Variants in CLIC4 observed in about 807,000 individuals in gnomAD.
The protein encoded by CLIC4 is CLIC family member 4.
A neutral mutation model predicts 24.6 loss-of-function variants in CLIC4; 13 were observed. The observed-to-expected ratio is 0.53, with a 90% confidence interval of 0.34 to 0.84. The LOEUF is 0.84. Among genes scored for constraint, CLIC4 ranks in the 40% least tolerant of loss-of-function variants. The pLI is 0.01. For synonymous variants in CLIC4, 104 were observed against 111.3 expected, an observed-to-expected ratio of 0.93 and a Z score of 0.41; for missense variants, 227 against 301.7, an observed-to-expected ratio of 0.75 and a Z score of 1.83.
At chr1:24,786,819 C>T (rs938311538) in intron 1 of CLIC4, among the ~76,000 whole-genome samples, 2 of 151,832 alleles carry the variant, frequency 1.3e-5, no homozygotes, top group African/African-American at 2.4e-5. Context: ...GAGGTTTCAC[C>T]ATGTTAGCCA....
At chr1:24,831,402 A>G (rs953473539) in intron 4 of CLIC4, among the ~76,000 whole-genome samples, 1 of 152,162 alleles carries the variant, frequency 6.6e-6, no homozygotes, top group Admixed American at 6.5e-5. Context: ...AATTTAGGAT[A>G]TTTGATTTTT....
intron 1 of CLIC4, among the ~76,000 whole-genome samples, chr1:24,782,034 A>G (rs1639211787): frequency 6.6e-6 from 1 of 152,162 alleles, no homozygotes; most frequent in Non-Finnish European, 1.5e-5. Flanking sequence ...ATTGATCATA[A>G]TTTGGTCATT....
chr1:24,803,381 A>G (rs1639511134), intron 2 of CLIC4, among the ~76,000 whole-genome samples: 1 of 152,182 alleles, frequency 6.6e-6, no homozygotes, highest in South Asian at 2.1e-4. Context: ...TTTGAAAAAA[A>G]TGATTGTTAC....
intron 3 of CLIC4, among the ~76,000 whole-genome samples, chr1:24,823,872 C>A (rs760486364): frequency 1.3e-5 from 2 of 151,490 alleles, no homozygotes; most frequent in African/African-American, 2.4e-5. Flanking sequence ...TGCCTGAGAT[C>A]TTTCCTAAAA....
chr1:24,841,109 A>G lies in CLIC4; in HGVS notation c.*172A>G. On this transcript the variant is annotated 3_prime_UTR_variant, in exon 6 of 6. Coordinates refer to ENST00000374379, the MANE Select transcript of CLIC4 (RefSeq NM_013943.3). ...TAGTTATCTTAAAATATACACTCCT[A>G]AGCAGTATTATTTTAAAATCCTTTA... 2.3e-6 allele frequency: 1 copy of G among 434,054 alleles called. No homozygotes were observed. The highest frequency in any genetic ancestry group is 3.9e-6 in the Non-Finnish European group (1 of 255,038). The allele number at this position is 434,054 out of a possible 1,614,324, so 26.9% of individuals were successfully genotyped here. A position where few individuals can be genotyped will look rare whatever the true frequency, so the allele number is the denominator to read the frequency against.
At chr1:24,835,335 G>A (rs925486561) in intron 4 of CLIC4, among the ~76,000 whole-genome samples, 3 of 152,358 alleles carry the variant, frequency 2.0e-5, no homozygotes, top group South Asian at 2.1e-4. Context: ...GGCCAAGGCA[G>A]GTGGATCGCT....
At position 24,745,491 on chromosome 1, in the gene CLIC4, CG is replaced by C. The variant is rs1638674679; in HGVS notation, c.-61del. 2 of 1,473,772 alleles carry C rather than the reference CG, an allele frequency of 1.4e-6. No individual in the cohort carries two copies. The highest frequency in any genetic ancestry group is 2.5e-5 in the South Asian group (2 of 80,528). The allele number at this position is 1,473,772 out of a possible 1,614,324, so 91.3% of individuals were successfully genotyped here. On this transcript the variant is annotated 5_prime_UTR_variant, in exon 1 of 6. Transcript: ENST00000374379. ...CGGGAACCGGCAGCCGGAGCAGTCC[CG>C]GAGCAGAAGCAGCAGCAGCAGCAGC...
intron 1 of CLIC4, among the ~76,000 whole-genome samples, chr1:24,749,455 A>C (rs1638747924): frequency 6.6e-6 from 1 of 152,196 alleles, no homozygotes; most frequent in Admixed American, 6.5e-5. Context: ...ACTGAGCTTC[A>C]CATTTAAGAG....
intron 1 of CLIC4, among the ~76,000 whole-genome samples, chr1:24,760,510 C>T (rs1452442932): frequency 6.6e-6 from 1 of 152,190 alleles, no homozygotes; most frequent in East Asian, 1.9e-4. Context: ...AGATATGCCT[C>T]ATATTGTATC....
chr1:24,840,950 A>T lies in CLIC4; in HGVS notation c.*13A>T, dbSNP rs866630882. 1.9e-6 allele frequency: 3 copies of T among 1,587,750 alleles called. No homozygotes were observed. Among genetic ancestry groups the T allele is most frequent in the Middle Eastern group, 3.4e-4 (2 of 5,960 alleles). On this transcript the variant is annotated 3_prime_UTR_variant, in exon 6 of 6. Coordinates refer to ENST00000374379, the MANE Select transcript of CLIC4 (RefSeq NM_013943.3). Reference sequence around the variant, plus strand: ...ACTCACCAAGTAAAATCGCGTTTGTAAAAGAGATGTCTTCATGTCTTCCCC... The same window carrying T: ...ACTCACCAAGTAAAATCGCGTTTGTTAAAGAGATGTCTTCATGTCTTCCCC...
chr1:24,771,897 A>G (rs1425233458), intron 1 of CLIC4: 8 of 512,516 alleles, frequency 1.6e-5, no homozygotes, highest in African/African-American at 1.4e-4. Flanking sequence ...AAGTGGGTGT[A>G]TTTCTTGGAG....
intron 1 of CLIC4, among the ~76,000 whole-genome samples, chr1:24,785,863 A>G (rs796659683): frequency 1.4e-5 from 2 of 148,050 alleles, no homozygotes; most frequent in African/African-American, 5.0e-5. Context: ...TCAAAAAAAA[A>G]AAAAAAAAAA....
At chr1:24,762,774 G>A (rs759593744) in intron 1 of CLIC4, among the ~76,000 whole-genome samples, 1 of 152,130 alleles carries the variant, frequency 6.6e-6, no homozygotes, top group Non-Finnish European at 1.5e-5. Context: ...GAATGAAATA[G>A]GAAGTAAGAG....
rs376099835 is a variant in CLIC4, at chr1:24,839,456, C to A, written c.416-404C>A. 1.4e-4 allele frequency among the ~76,000 whole-genome samples: 21 copies of A among 152,246 alleles called. No homozygotes were observed. In the East Asian group the frequency reaches 3.3e-3, roughly 24 times the overall value. On this transcript the variant is annotated intron_variant, in intron 4 of 5. Transcript: ENST00000374379. ...CTGGGACTACAGGCGCCCGCCACCA[C>A]GCCCGGCTAATTTTTTGTATTTTTA...
intron 1 of CLIC4, among the ~76,000 whole-genome samples, chr1:24,769,884 A>G (rs1239319370): frequency 6.6e-6 from 1 of 151,398 alleles, no homozygotes; most frequent in Non-Finnish European, 1.5e-5. Flanking sequence ...TTTAAGGCAG[A>G]GTTTCACTGT....
At chr1:24,789,363 C>A (rs1286431055) in intron 1 of CLIC4, among the ~76,000 whole-genome samples, 1 of 152,122 alleles carries the variant, frequency 6.6e-6, no homozygotes, top group African/African-American at 2.4e-5. Context: ...ACTAAAAATA[C>A]AAAAATTAGC....
chr1:24,754,345 GCAGAGGTGCCTAGAAGC>G (rs1180276960), intron 1 of CLIC4, among the ~76,000 whole-genome samples: 2 of 152,182 alleles, frequency 1.3e-5, no homozygotes, highest in East Asian at 3.9e-4. Flanking sequence ...GAAGATGCCT[GCAGAGGTGCCTAGAAGC>G]CAGTAAGTAA....
chr1:24,819,825 C>T (rs1208608465), intron 3 of CLIC4, among the ~76,000 whole-genome samples: 4 of 145,916 alleles, frequency 2.7e-5, no homozygotes, highest in South Asian at 2.2e-4. Context: ...CTGCAACCTC[C>T]GCCTCCTGGG....
chr1:24,768,752 A>T (rs928222162), intron 1 of CLIC4, among the ~76,000 whole-genome samples: 7 of 151,984 alleles, frequency 4.6e-5, no homozygotes, highest in African/African-American at 1.7e-4. Context: ...TAATACAAAA[A>T]TTAGGAGGCA....
Sources: gnomAD v4.1 joint callset for allele counts (sites outside exome capture counted in the v4.1 genomes callset) on GRCh38, gnomAD v4.1.1 for gene constraint, MANE v1.5 for transcripts, NCBI Gene and HGNC (gene_info 2026-07-23, HGNC 2026-07-21) for gene names.